Variants in MMEL1 observed in about 807,000 individuals in gnomAD.
The protein encoded by MMEL1 is membrane metalloendopeptidase like 1.
In MMEL1, 98 loss-of-function variants were observed where a neutral mutation model predicts 117.1. The observed-to-expected ratio is 0.84, with a 90% CI of 0.71 to 0.99. The LOEUF is 0.99. Ranked by LOEUF, MMEL1 falls within the 50% of genes least tolerant of loss-of-function variation. The pLI, the probability that MMEL1 is intolerant of heterozygous loss-of-function variation, is 0.00. For missense variants in MMEL1, 1,014 were observed against 1,049.1 expected (o/e 0.97, Z 0.46); for synonymous variants, 390 against 415.1 (o/e 0.94, Z 0.74).
rs779151416 is a variant in MMEL1, at chr1:2,595,984, G to A, written c.1500+25C>T. 6.2e-7 allele frequency: 1 copy of A among 1,600,988 alleles called. No individual in the cohort carries two copies. The highest frequency in any genetic ancestry group is 2.2e-5 in the East Asian group (1 of 44,772). ...CCCGTGCCCAGATCCAGTCGGGGCT[G>A]CCCTGACCTCTGCGAGCCACATACC... On this transcript the variant is annotated intron_variant, in intron 15 of 23. Coordinates refer to ENST00000378412, the MANE Select transcript of MMEL1 (RefSeq NM_033467.4). This position sits in a 1 kb window ranked among gnomAD's most constrained non-coding sequence, Gnocchi z 4.8.
At position 2,604,134 on chromosome 1, in the gene MMEL1, C is replaced by T. The variant is rs1035208703; in HGVS notation, c.951+13G>A. 1 of 1,558,800 alleles carries T rather than the reference C, an allele frequency of 6.4e-7. No individual in the cohort carries two copies. The highest frequency in any genetic ancestry group is 1.4e-5 in the African/African-American group (1 of 73,794). ...ACTCGCTGCCCGCTCCCCACCCGCC[C>T]CGGCCCCCTTACCTTGGCCAGCTGT... On this transcript the variant is annotated intron_variant, in intron 10 of 23. Transcript: ENST00000378412.
chr1:2,591,437 A>G, intron 23 of MMEL1, 120 bp downstream of exon 23: 1 of 820,616 alleles, frequency 1.2e-6, no homozygotes, highest in Non-Finnish European at 2.1e-6. Context: ...TCTCAGGTTT[A>G]TTCCCAAAAT....
Position 2,594,754 on chromosome 1 carries a change from C to G in MMEL1, c.1688+36G>C, listed in dbSNP as rs776454311. On this transcript the variant is annotated intron_variant, in intron 17 of 23. Coordinates refer to ENST00000378412, the MANE Select transcript of MMEL1 (RefSeq NM_033467.4). ...CACGCCTTACTGGCCACTCCCTGGC[C>G]CCCCCCGCCCATGCCGCACCAGCGA... The G allele has an allele frequency of 6.4e-6, 10 of 1,566,228 alleles. No homozygotes were observed. In the Admixed American group the frequency reaches 1.0e-4, roughly 16 times the overall value.
Position 2,605,622 on chromosome 1 carries a change from A to G in MMEL1, c.752T>C (p.Ile251Thr). The G allele has an allele frequency of 6.2e-7, 1 of 1,612,348 alleles. No homozygotes were observed. Among genetic ancestry groups the G allele is most frequent in the Non-Finnish European group, 8.5e-7 (1 of 1,179,034 alleles). ...GGGCATGCCCAAGGTGGGCTGGTCTATCTGGAAATACAGAAGGTGTGACCC... is the reference window on the plus strand; with the variant it reads ...GGGCATGCCCAAGGTGGGCTGGTCTGTCTGGAAATACAGAAGGTGTGACCC... The part of the protein sequence containing the change: ...DQNSSRHIIY[I>T]DQPTLGMPSR... The change falls in exon 9 of 24, where the codon ATA (isoleucine) becomes ACA (threonine). Residue 251 changes from isoleucine to threonine, a missense_variant and splice_region_variant. Ile to Thr is a moderately conservative substitution (Grantham distance 89). Coordinates refer to ENST00000378412, the MANE Select transcript of MMEL1 (RefSeq NM_033467.4).
At chr1:2,598,567 C>T (rs1048547833) in intron 12 of MMEL1, 87 bp downstream of exon 12, 2 of 1,581,392 alleles carry the variant, frequency 1.3e-6, no homozygotes, top group Admixed American at 3.5e-5. Flanking sequence ...CATAGGGTCC[C>T]CTCCTGGGAG....
At position 2,594,891 on chromosome 1, in the gene MMEL1, C is replaced by T; in HGVS notation, c.1587G>A (p.Leu529=). 6.2e-7 allele frequency: 1 copy of T among 1,613,416 alleles called. No individual in the cohort carries two copies. The highest frequency in any genetic ancestry group is 8.5e-7 in the Non-Finnish European group (1 of 1,179,520). The change falls in exon 17 of 24, where the codon CTG becomes CTA. Residue 529 remains leucine, a splice_region_variant and synonymous_variant. Transcript: ENST00000378412. ...CAAAGTACAGGTCCTCTGAGAAGTT[C>T]AGCTACGGGAGAGGGGCAGTCACTG... The part of the protein sequence containing the change: ...NRRLDEEYSN[L]NFSEDLYFEN...
chr1:2,601,256 A>G (rs550112283), intron 11 of MMEL1, among the ~76,000 whole-genome samples: 102 of 152,338 alleles, frequency 6.7e-4, no homozygotes, highest in African/African-American at 2.4e-3. Context: ...GGATAGATAA[A>G]GAGACCAGTG....
Position 2,629,325 on chromosome 1 carries a change from A to T in MMEL1, c.154+6T>A. The T allele has an allele frequency of 2.0e-6, 3 of 1,530,430 alleles. No individual in the cohort carries two copies. The highest frequency in any genetic ancestry group is 2.6e-6 in the Non-Finnish European group (3 of 1,141,202). 94.8% of individuals were successfully genotyped at this position (1,530,430 alleles called of 1,614,324 possible). On this transcript the variant is annotated splice_donor_region_variant and intron_variant, in intron 2 of 23. Coordinates refer to ENST00000378412, the MANE Select transcript of MMEL1 (RefSeq NM_033467.4). ...GGACAGGCGGGGGCGGGGCACCCGC[A>T]CTCACCTCTGCGGTCGGCGTAGAGG...
At position 2,596,621 on chromosome 1, in the gene MMEL1, C is replaced by T; in HGVS notation, c.1341G>A (p.Met447Ile). 6.2e-7 allele frequency: 1 copy of T among 1,613,234 alleles called. No homozygotes were observed. Residue 447 changes from methionine to isoleucine, a missense_variant, in exon 14 of 24, where the codon ATG becomes ATA. Coordinates refer to ENST00000378412, the MANE Select transcript of MMEL1 (RefSeq NM_033467.4). ...CGTAGAGGGAGCCCACGGCGTTCTC[C>T]ATGTTGCTGTTGACGTAGCCCACAC... ...RECVGYVNSN[M>I]ENAVGSLYVR...
chr1:2,630,348 ATGAC>A (rs1436046963), intron 1 of MMEL1, among the ~76,000 whole-genome samples: 2 of 152,036 alleles, frequency 1.3e-5, no homozygotes, highest in Non-Finnish European at 2.9e-5. Context: ...GTGCATGTGT[ATGAC>A]TGTGCGTGTG....
chr1:2,613,834 G>C lies in MMEL1; in HGVS notation c.155-1630C>G, dbSNP rs536837389. Among the ~76,000 whole-genome samples, 12 of 152,260 alleles carry C rather than the reference G, an allele frequency of 7.9e-5. No homozygotes were observed. In the South Asian group the frequency reaches 2.5e-3, roughly 32 times the overall value. ...CCACTGCACTCCAGCCTGGGAGACA[G>C]AGTGAGACCCTGTCTCAAAATAAAA... On this transcript the variant is annotated intron_variant, in intron 2 of 23. Coordinates refer to ENST00000378412, the MANE Select transcript of MMEL1 (RefSeq NM_033467.4).
rs934814628 is a variant in MMEL1, at chr1:2,612,464, C to T, written c.155-260G>A. Among the ~76,000 whole-genome samples the T allele has an allele frequency of 8.5e-5, 13 of 152,138 alleles. No homozygotes were observed. The highest frequency in any genetic ancestry group is 2.9e-4 in the African/African-American group (12 of 41,408). ...TGCCAGCCCCACCCTTTAATTCTCC[C>T]TCCACCCACCCCAAGGTCCCCGATG... On this transcript the variant is annotated intron_variant, in intron 2 of 23. Transcript: ENST00000378412. This position sits in a 1 kb window ranked among gnomAD's most constrained non-coding sequence, Gnocchi z 5.4.
chr1:2,590,831 CA>C lies in MMEL1; in HGVS notation c.*158del. The C allele has an allele frequency of 2.0e-6, 1 of 488,008 alleles. No homozygotes were observed. The allele number at this position is 488,008 out of a possible 1,614,324, so 30.2% of individuals were successfully genotyped here. A position where few individuals can be genotyped will look rare whatever the true frequency, so the allele number is the denominator to read the frequency against. On this transcript the variant is annotated 3_prime_UTR_variant, in exon 24 of 24. Coordinates refer to ENST00000378412, the MANE Select transcript of MMEL1 (RefSeq NM_033467.4). ...ACACTGCTCATCCCTGGGTGTCAGG[CA>C]GGTGGCTGCACCCTAGGCCAGGCGC...
chr1:2,627,757 C>T (rs940566340), intron 2 of MMEL1, among the ~76,000 whole-genome samples: 7 of 152,166 alleles, frequency 4.6e-5, no homozygotes, highest in African/African-American at 1.4e-4. Flanking sequence ...ATAATAACTG[C>T]TTAGAAAACC....
At chr1:2,609,932 G>A in intron 4 of MMEL1, 101 bp from the exon 5 acceptor site, 1 of 1,326,840 alleles carries the variant, frequency 7.5e-7, no homozygotes, top group Non-Finnish European at 1.0e-6. Context: ...CTGGTCCCTT[G>A]GGAAGGGGCT....
chr1:2,602,808 G>C (rs75883940), intron 11 of MMEL1, among the ~76,000 whole-genome samples: 6,935 of 152,222 alleles, frequency 0.046, 302 homozygotes, highest in African/African-American at 0.11. Flanking sequence ...ACTGGCCCCA[G>C]ATGGCCATGG....
rs112321846 is a variant in MMEL1 at position 2,605,459 on chromosome 1, G to C, written c.816+99C>G. 724 of 1,059,744 alleles carry C rather than the reference G, an allele frequency of 6.8e-4. 5 individuals carry two copies. The African/African-American group carries it at 9.4e-3, about 14-fold the overall frequency. The allele number at this position is 1,059,744 out of a possible 1,614,324, so 65.6% of individuals were successfully genotyped here. ...CCTCCACAGGTGCTCACTAACACCA[G>C]CTTCGGGGAGGGAAGGCCAGGTGGG... On this transcript the variant is annotated intron_variant, in intron 9 of 23. Coordinates refer to ENST00000378412, the MANE Select transcript of MMEL1 (RefSeq NM_033467.4).
intron 1 of MMEL1, among the ~76,000 whole-genome samples, chr1:2,631,655 G>T (rs1040291845): frequency 6.6e-6 from 1 of 152,024 alleles, no homozygotes; most frequent in Admixed American, 6.5e-5. Flanking sequence ...TCTGTGAACC[G>T]CAGCGTTCAT....
At position 2,632,999 on chromosome 1, in the gene MMEL1, G is replaced by A; in HGVS notation, c.-171C>T. Reference sequence around the variant, plus strand: ...TGGGATGGGAGAGCAGTGGCTTGGGGCTGAGTTGAGGCTGCCTGAAGGCTT... The same window carrying A: ...TGGGATGGGAGAGCAGTGGCTTGGGACTGAGTTGAGGCTGCCTGAAGGCTT... On this transcript the variant is annotated 5_prime_UTR_variant, in exon 1 of 24. Coordinates refer to ENST00000378412, the MANE Select transcript of MMEL1 (RefSeq NM_033467.4). The A allele has an allele frequency of 1.0e-6, 1 of 985,910 alleles. No individual in the cohort carries two copies. The highest frequency in any genetic ancestry group is 4.7e-5 in the South Asian group (1 of 21,292). 61.1% of individuals were successfully genotyped at this position (985,910 alleles called of 1,614,324 possible).
Sources: allele counts gnomAD v4.1 joint callset (sites outside exome capture counted in the v4.1 genomes callset), GRCh38; gene constraint gnomAD v4.1.1; non-coding constraint Gnocchi (gnomAD v3.1); transcripts MANE v1.5; gene names NCBI Gene and HGNC (gene_info 2026-07-23, HGNC 2026-07-21).